The following COL17A1 variants were observed in gnomAD, a reference collection of about 807,000 sequenced individuals.
COL17A1 encodes collagen type XVII alpha 1 chain, also known as collagen alpha-1(XVII) chain.
A neutral mutation model predicts 218.4 loss-of-function variants in COL17A1; 181 were observed. That is an observed-to-expected ratio of 0.83 (90% confidence interval 0.73 to 0.94). COL17A1 has a LOEUF of 0.94. COL17A1 is among the 40% of genes least tolerant of loss of function. The pLI is 0.00. For missense variants in COL17A1, 1,924 were observed against 1,945.9 expected (o/e 0.99, Z 0.21); for synonymous variants, 721 against 731.0 (o/e 0.99, Z 0.22).
At chr10:104,060,380 G>A (rs1267660968) in intron 13 of COL17A1, 100 bp from the exon 14 acceptor site, 2 of 1,527,392 alleles carry the variant, frequency 1.3e-6, no homozygotes, top group Non-Finnish European at 1.8e-6. Context: ...AGAAGGAGGA[G>A]GGAGGTAAAT....
intron 8 of COL17A1, among the ~76,000 whole-genome samples, chr10:104,070,846 T>C (rs2086663813): frequency 6.6e-6 from 1 of 152,152 alleles, no homozygotes; most frequent in African/African-American, 2.4e-5. Flanking sequence ...TCATCAAACA[T>C]CACAGGAATG....
Position 104,050,610 on chromosome 10 carries a change from G to A in COL17A1, c.2128+11C>T, listed in dbSNP as rs373886087. ...GCCCTGGTAATGACAGAGCAGCAGT[G>A]AGTGGCATACCTTTGGGTCCTGGTG... On this transcript the variant is annotated intron_variant, in intron 27 of 55. Transcript: ENST00000648076. The A allele has an allele frequency of 1.6e-5, 26 of 1,612,916 alleles. No individual in the cohort carries two copies. The South Asian group carries it at 2.1e-4, about 13-fold the overall frequency.
At chr10:104,063,656 T>A (rs1296338036) in intron 11 of COL17A1, 91 bp downstream of exon 11, 1 of 1,572,634 alleles carries the variant, frequency 6.4e-7, no homozygotes, top group South Asian at 1.2e-5. Flanking sequence ...GCAGTATGCA[T>A]GGAAGAAAGG....
intron 47 of COL17A1, 71 bp downstream of exon 47, chr10:104,036,974 G>T: frequency 1.4e-6 from 2 of 1,390,566 alleles, no homozygotes; most frequent in Non-Finnish European, 2.0e-6. Context: ...CGAGGACAAG[G>T]TTTGCATGAC....
Position 104,035,580 on chromosome 10 carries a change from T to G in COL17A1, c.3419-17A>C. The stretch of plus-strand genomic sequence containing the variant: ...TCCCAGAACCTAGGGAGGTGATGGA[T>G]TCAGATCAGGCAGGGGGAGGCAGAT... On this transcript the variant is annotated splice_polypyrimidine_tract_variant and intron_variant, in intron 48 of 55. Transcript: ENST00000648076. 6.2e-7 allele frequency: 1 copy of G among 1,605,804 alleles called. No homozygotes were observed. The highest frequency in any genetic ancestry group is 8.5e-7 in the Non-Finnish European group (1 of 1,174,040).
chr10:104,035,800 A>ATGTGTGTATGGGAGTGAGTGTG (rs1564670861), intron 48 of COL17A1, among the ~76,000 whole-genome samples: 3 of 21,842 alleles, frequency 1.4e-4, no homozygotes, highest in South Asian at 1.4e-3. Flanking sequence ...GTGTATGAGT[A>ATGTGTGTATGGGAGTGAGTGTG]TGTGTGTATG....
At chr10:104,063,581 G>T in intron 11 of COL17A1, 166 bp downstream of exon 11, 1 of 1,077,466 alleles carries the variant, frequency 9.3e-7, no homozygotes, top group Non-Finnish European at 1.4e-6. Flanking sequence ...TTTTCCCTTG[G>T]GGTCTGAGTT....
At chr10:104,076,714 G>A (rs775132444) in intron 4 of COL17A1, among the ~76,000 whole-genome samples, 3 of 152,342 alleles carry the variant, frequency 2.0e-5, no homozygotes, top group South Asian at 2.1e-4. Context: ...ATAATCCAGC[G>A]TGGAAGTGTG....
At chr10:104,051,101 C>T (rs1313604420) in intron 25 of COL17A1, among the ~76,000 whole-genome samples, 200 bp from the exon 26 acceptor site, 1 of 152,208 alleles carries the variant, frequency 6.6e-6, no homozygotes, top group African/African-American at 2.4e-5. Flanking sequence ...TGCTGATGAA[C>T]AGGCATTAGA....
intron 1 of COL17A1, among the ~76,000 whole-genome samples, chr10:104,083,271 A>G (rs965988958): frequency 6.6e-6 from 1 of 152,190 alleles, no homozygotes; most frequent in African/African-American, 2.4e-5. Flanking sequence ...TTTCCTGCCC[A>G]GGTACATGCC....
intron 32 of COL17A1, 95 bp from the exon 33 acceptor site, chr10:104,045,888 A>T (rs2086404521): frequency 1.0e-6 from 1 of 990,626 alleles, no homozygotes; most frequent in Non-Finnish European, 1.6e-6. Flanking sequence ...CAGCACAGCC[A>T]CACTGCTGAC....
intron 36 of COL17A1, 36 bp from the exon 37 acceptor site, chr10:104,041,574 G>T: frequency 6.3e-7 from 1 of 1,577,114 alleles, no homozygotes; most frequent in Non-Finnish European, 8.7e-7. Flanking sequence ...AGCAAAAGCT[G>T]TCACGAGGCT....
At chr10:104,084,374 A>T (rs1362573978) in intron 1 of COL17A1, among the ~76,000 whole-genome samples, 7 of 151,446 alleles carry the variant, frequency 4.6e-5, no homozygotes, top group Non-Finnish European at 1.0e-4. Flanking sequence ...CAGTGGCACA[A>T]CCTTGGCCCA....
intron 18 of COL17A1, 35 bp downstream of exon 18, chr10:104,055,746 CA>C (rs1564679204): frequency 6.2e-7 from 1 of 1,612,042 alleles, no homozygotes; most frequent in Admixed American, 1.7e-5. Flanking sequence ...GAAAGGGACT[CA>C]GGGGAGCTGG....
chr10:104,073,256 A>C lies in COL17A1; in HGVS notation c.380-11T>G. On this transcript the variant is annotated splice_polypyrimidine_tract_variant and intron_variant, in intron 6 of 55. Transcript: ENST00000648076. ...TGGTTGAAGAAGATGCTGAGAAACAAAGAAATGCATTTTTAGGCATATATA... is the reference window on the plus strand; with the variant it reads ...TGGTTGAAGAAGATGCTGAGAAACACAGAAATGCATTTTTAGGCATATATA... 6.2e-7 allele frequency: 1 copy of C among 1,613,608 alleles called. No individual in the cohort carries two copies. Among genetic ancestry groups the C allele is most frequent in the African/African-American group, 1.3e-5 (1 of 75,026 alleles).
Position 104,034,325 on chromosome 10 carries a change from AC to A in COL17A1, c.3775del (p.Val1259CysfsTer53). On this transcript the variant is annotated frameshift_variant, in exon 52 of 56. Coordinates refer to ENST00000648076, the MANE Select transcript of COL17A1 (RefSeq NM_000494.4). LOFTEE classifies it high-confidence loss of function. ...TGGGGGGCCAACAATGAAGCTGCGC[AC>A]ATCAGGACCTGCAGGGTGAGAAGCT... is the stretch of plus-strand genomic sequence containing the variant. ...ELISYLTSPD[V>X]RSFIVGPPGP... 6.4e-7 allele frequency: 1 copy of A among 1,557,632 alleles called. No individual in the cohort carries two copies. Among genetic ancestry groups the A allele is most frequent in the Non-Finnish European group, 8.6e-7 (1 of 1,158,212 alleles).
chr10:104,038,518 T>G lies in COL17A1; in HGVS notation c.2958A>C (p.Ser986=). The change falls in exon 45 of 56, where the codon TCA becomes TCC. Residue 986 remains serine, a synonymous_variant. Coordinates refer to ENST00000648076, the MANE Select transcript of COL17A1 (RefSeq NM_000494.4). ...GCGGGCCTGACACGTACATGGTACTTGATGATCCCCCTGCAGCAAAGAGAA... is the reference window on the plus strand; with the variant it reads ...GCGGGCCTGACACGTACATGGTACTGGATGATCCCCCTGCAGCAAAGAGAA... ...IPSGPSEGGS[S]STMYVSGPPG... 6.2e-7 allele frequency: 1 copy of G among 1,612,634 alleles called. No individual in the cohort carries two copies. Among genetic ancestry groups the G allele is most frequent in the Non-Finnish European group, 8.5e-7 (1 of 1,179,936 alleles).
intron 35 of COL17A1, among the ~76,000 whole-genome samples, 200 bp downstream of exon 35, chr10:104,043,301 C>T (rs1221095311): frequency 6.6e-6 from 1 of 152,188 alleles, no homozygotes; most frequent in East Asian, 1.9e-4. Context: ...AGCACATTCA[C>T]CTCCTATGCT....
At chr10:104,075,500 C>A (rs544712248) in intron 5 of COL17A1, among the ~76,000 whole-genome samples, 2 of 152,318 alleles carry the variant, frequency 1.3e-5, no homozygotes, top group East Asian at 3.9e-4. Context: ...TCATTACCAA[C>A]CTGGTCCCAG....
Sources: allele counts gnomAD v4.1 joint callset (sites outside exome capture counted in the v4.1 genomes callset), GRCh38; gene constraint gnomAD v4.1.1; transcripts MANE v1.5; gene names NCBI Gene and HGNC (gene_info 2026-07-23, HGNC 2026-07-21).